The following TENM2 variants were observed in gnomAD, a reference collection of about 807,000 sequenced individuals.
TENM2 encodes the protein teneurin transmembrane protein 2, also known as teneurin-2.
In TENM2, 52 loss-of-function variants were observed where a neutral mutation model predicts 245.2. The ratio of observed to expected loss-of-function variants is 0.21; its 90% CI spans 0.17 to 0.27. The LOEUF (loss-of-function observed/expected upper bound fraction) is 0.27. Ranked by LOEUF, TENM2 falls within the 10% of genes least tolerant of loss-of-function variation. TENM2 has a pLI of 1.00. For missense variants in TENM2, 3,046 were observed against 3,666.8 expected, an observed-to-expected ratio of 0.83 and a Z score of 4.37; for synonymous variants, 1,363 against 1,438.9, an observed-to-expected ratio of 0.95 and a Z score of 1.19.
chr5:168,104,702 A>C (rs1295205206), intron 9 of TENM2, among the ~76,000 whole-genome samples: 5 of 151,998 alleles, frequency 3.3e-5, no homozygotes, highest in African/African-American at 1.2e-4. Context: ...CCTTGCAGTG[A>C]ATGGAGGAAT....
intron 5 of TENM2, among the ~76,000 whole-genome samples, chr5:168,040,580 A>G (rs1456392874): frequency 6.6e-6 from 1 of 152,226 alleles, no homozygotes; most frequent in Non-Finnish European, 1.5e-5. Flanking sequence ...AAATCACTTC[A>G]CCAAGGTGGT....
Position 168,139,532 on chromosome 5 carries a change from TC to T in TENM2, c.2422+12570del, listed in dbSNP as rs1418908565. Reference sequence around the variant, plus strand: ...GAGAGAAACCAGTTCTCTTCCCATTTCCCCTTGGTAGGAGGTGGTTGGGCAG... The same window carrying T: ...GAGAGAAACCAGTTCTCTTCCCATTTCCCTTGGTAGGAGGTGGTTGGGCAG... On this transcript the variant is annotated intron_variant, in intron 12 of 28. Transcript: ENST00000518659. 1.1e-5 allele frequency: 5 copies of T among 456,440 alleles called. No individual in the cohort carries two copies. The Admixed American group carries it at 1.2e-4, about 11-fold the overall frequency. The allele number at this position is 456,440 out of a possible 1,614,324, so 28.3% of individuals were successfully genotyped here.
At chr5:167,425,224 A>G (rs13170051) in intron 2 of TENM2, among the ~76,000 whole-genome samples, 28,363 of 152,212 alleles carry the variant, frequency 0.19, 3,174 homozygotes, top group South Asian at 0.27. Context: ...TAAAACTGCA[A>G]TTCTCGTGAC....
At chr5:167,716,231 G>A (rs552081658) in intron 2 of TENM2, among the ~76,000 whole-genome samples, 41 of 152,282 alleles carry the variant, frequency 2.7e-4, no homozygotes, top group Admixed American at 8.5e-4. Flanking sequence ...TGTTGATGAT[G>A]ACTGGAAAAC....
chr5:167,578,500 T>A (rs1774865326), intron 2 of TENM2, among the ~76,000 whole-genome samples: 1 of 152,220 alleles, frequency 6.6e-6, no homozygotes. Context: ...TGTATATGCA[T>A]TTGTTTTCAT....
chr5:167,543,622 G>C (rs905847472), intron 2 of TENM2, among the ~76,000 whole-genome samples: 1 of 152,186 alleles, frequency 6.6e-6, no homozygotes, highest in African/African-American at 2.4e-5. Flanking sequence ...CAAACTGGGT[G>C]TCTTAAAACA....
intron 2 of TENM2, among the ~76,000 whole-genome samples, chr5:167,855,480 T>C (rs1347808658): frequency 1.3e-5 from 2 of 152,038 alleles, no homozygotes; most frequent in Admixed American, 6.6e-5. Context: ...TTATGTTTAA[T>C]TTGCTGTTGT....
Position 167,995,260 on chromosome 5 carries a change from C to T in TENM2, c.1186+2078C>T, listed in dbSNP as rs536863533. ...AAGGGCAGTCATATACATGGGAAACCGTATAGTGAGAGTTTAATGTTTTAA... is the reference window on the plus strand; with the variant it reads ...AAGGGCAGTCATATACATGGGAAACTGTATAGTGAGAGTTTAATGTTTTAA... On this transcript the variant is annotated intron_variant, in intron 5 of 28. Transcript: ENST00000518659. Among the ~76,000 whole-genome samples, 5 of 152,132 alleles carry T rather than the reference C, an allele frequency of 3.3e-5. No homozygotes were observed. The East Asian group carries it at 7.7e-4, about 24-fold the overall frequency.
At chr5:167,929,053 GAA>G (rs1778007341) in intron 3 of TENM2, among the ~76,000 whole-genome samples, 13 of 77,736 alleles carry the variant, frequency 1.7e-4, no homozygotes, top group South Asian at 4.5e-4. Flanking sequence ...AAAAAAGAAA[GAA>G]AGAGAGAAAG....
intron 10 of TENM2, among the ~76,000 whole-genome samples, chr5:168,121,252 A>T (rs931941968): frequency 1.3e-5 from 2 of 152,194 alleles, no homozygotes; most frequent in African/African-American, 4.8e-5. Context: ...GGCACATGGT[A>T]CTTAGCTGGT....
chr5:168,131,600 A>C (rs1754587115), intron 12 of TENM2, among the ~76,000 whole-genome samples: 2 of 152,240 alleles, frequency 1.3e-5, no homozygotes, highest in African/African-American at 4.8e-5. Flanking sequence ...ACAGGGTCAC[A>C]GTCCAAGAGG....
intron 2 of TENM2, among the ~76,000 whole-genome samples, chr5:167,854,197 CAT>C (rs1418629799): frequency 2.6e-5 from 4 of 152,176 alleles, no homozygotes; most frequent in African/African-American, 7.2e-5. Flanking sequence ...TCACAAATAA[CAT>C]ATTCTGTAAT....
the TENM2 span, among the ~76,000 whole-genome samples, chr5:167,186,290 C>T: frequency 1.3e-5 from 2 of 152,180 alleles, no homozygotes; most frequent in East Asian, 1.9e-4. Context: ...TTAATATAGA[C>T]GTATTGCCTG....
chr5:167,598,336 C>G (rs574408330), intron 2 of TENM2, among the ~76,000 whole-genome samples: 1 of 152,282 alleles, frequency 6.6e-6, no homozygotes, highest in South Asian at 2.1e-4. Context: ...GTGCAAGTCT[C>G]CTGAGATGTG....
At chr5:167,094,662 A>G in the TENM2 span, among the ~76,000 whole-genome samples, 1 of 152,170 alleles carries the variant, frequency 6.6e-6, no homozygotes, top group Admixed American at 6.5e-5. Flanking sequence ...GTCTTGTGCT[A>G]CTTCTCACTG....
chr5:168,131,724 T>C (rs1389086612), intron 12 of TENM2, among the ~76,000 whole-genome samples: 2 of 152,168 alleles, frequency 1.3e-5, no homozygotes, highest in African/African-American at 4.8e-5. Context: ...CATTCTAAGT[T>C]ATGAAAACTT....
intron 5 of TENM2, among the ~76,000 whole-genome samples, chr5:168,002,993 T>C (rs1173216537): frequency 6.6e-6 from 1 of 152,114 alleles, no homozygotes; most frequent in African/African-American, 2.4e-5. Context: ...AAGCCTGGGG[T>C]AAGTTGTGTT....
intron 9 of TENM2, among the ~76,000 whole-genome samples, chr5:168,114,122 G>A (rs1379131569): frequency 6.6e-6 from 1 of 152,178 alleles, no homozygotes; most frequent in Non-Finnish European, 1.5e-5. Flanking sequence ...AATTTTGTAA[G>A]GGAGCATCTC....
At chr5:168,235,243 G>A (rs1481918165) in intron 25 of TENM2, among the ~76,000 whole-genome samples, 1 of 152,202 alleles carries the variant, frequency 6.6e-6, no homozygotes, top group African/African-American at 2.4e-5. Flanking sequence ...TAGGCACTGA[G>A]TGTACATTAG....
Sources: allele counts gnomAD v4.1 joint callset (sites outside exome capture counted in the v4.1 genomes callset), GRCh38; gene constraint gnomAD v4.1.1; transcripts MANE v1.5; gene names NCBI Gene and HGNC (gene_info 2026-07-23, HGNC 2026-07-21).